Variants in UBE2K observed in about 807,000 individuals in gnomAD.
The protein encoded by UBE2K is ubiquitin-conjugating enzyme E2 K.
Under a neutral mutation model 30.0 loss-of-function variants are expected in UBE2K, and 6 were observed. The observed-to-expected ratio is 0.20, with a 90% CI of 0.11 to 0.39. The LOEUF is 0.39. Ranked by LOEUF, UBE2K falls within the 10% of genes least tolerant of loss-of-function variation. The pLI, the probability that UBE2K is intolerant of heterozygous loss-of-function variation, is 1.00. For synonymous variants in UBE2K, 86 were observed against 83.7 expected, an observed-to-expected ratio of 1.03 and a Z score of -0.15; for missense variants, 61 against 241.6, an observed-to-expected ratio of 0.25 and a Z score of 4.96.
chr4:39,759,131 T>G (rs1711696967), intron 4 of UBE2K, among the ~76,000 whole-genome samples: 1 of 152,118 alleles, frequency 6.6e-6, no homozygotes, highest in African/African-American at 2.4e-5. Context: ...AAATACAGAG[T>G]CTTAATCATA....
intron 4 of UBE2K, among the ~76,000 whole-genome samples, chr4:39,759,983 C>G (rs1350931467): frequency 1.3e-5 from 2 of 151,936 alleles, no homozygotes; most frequent in Non-Finnish European, 2.9e-5. Flanking sequence ...CAAGACCAGC[C>G]TGGCCAACAT....
At chr4:39,767,310 T>G (rs1212757574) in intron 4 of UBE2K, among the ~76,000 whole-genome samples, 1 of 132,594 alleles carries the variant, frequency 7.5e-6, no homozygotes, top group Non-Finnish European at 1.6e-5. Flanking sequence ...TTTTTTTTTT[T>G]GTGTGTGTGT....
chr4:39,764,238 TAAG>T (rs892154519), intron 4 of UBE2K, among the ~76,000 whole-genome samples: 3 of 152,164 alleles, frequency 2.0e-5, no homozygotes, highest in Non-Finnish European at 4.4e-5. Flanking sequence ...GCCTGTAGTC[TAAG>T]GTGAGAAAAT....
At chr4:39,748,873 C>T (rs755071734) in intron 3 of UBE2K, among the ~76,000 whole-genome samples, 13 of 151,924 alleles carry the variant, frequency 8.6e-5, no homozygotes, top group African/African-American at 1.2e-4. Flanking sequence ...TGTGGCATTA[C>T]GCTCTTGCAG....
In UBE2K at chr4:39,778,423, C is replaced by T; in HGVS notation, c.592C>T (p.Leu198=). 1 of 1,611,500 alleles carries T rather than the reference C, an allele frequency of 6.2e-7. No individual in the cohort carries two copies. Among genetic ancestry groups the T allele is most frequent in the Non-Finnish European group, 8.5e-7 (1 of 1,178,000 alleles). ...TGTAGAGACTGCAACAGAATTGCTT[C>T]TGAGTAACTGAGGCATAGAGAGCTG... ...WDVETATELL[L]SN The change falls in exon 7 of 7, where the codon CTG becomes TTG. Residue 198 remains leucine, a synonymous_variant. Coordinates refer to ENST00000261427, the MANE Select transcript of UBE2K (RefSeq NM_005339.5).
At chr4:39,732,204 C>CAAGATGG (rs1445285707) in intron 1 of UBE2K, among the ~76,000 whole-genome samples, 3 of 152,146 alleles carry the variant, frequency 2.0e-5, no homozygotes, top group Non-Finnish European at 4.4e-5. Context: ...CTATGAGGAA[C>CAAGATGG]TATCTTATCC....
chr4:39,762,400 G>C (rs867467204), intron 4 of UBE2K, among the ~76,000 whole-genome samples: 2 of 152,042 alleles, frequency 1.3e-5, no homozygotes, highest in South Asian at 2.1e-4. Context: ...GTGGTAGGCT[G>C]TTTTTGCATT....
At chr4:39,775,421 A>T (rs1167003631) in intron 5 of UBE2K, among the ~76,000 whole-genome samples, 2 of 152,190 alleles carry the variant, frequency 1.3e-5, no homozygotes, top group South Asian at 4.1e-4. Flanking sequence ...TACAACGGAG[A>T]CTGGACCTAA....
chr4:39,720,217 T>C (rs971150200), intron 1 of UBE2K, among the ~76,000 whole-genome samples: 1 of 152,152 alleles, frequency 6.6e-6, no homozygotes, highest in Admixed American at 6.6e-5. Context: ...CCAGGTAAAG[T>C]TGGATTTCTG....
At chr4:39,763,561 A>C (rs1239185517) in intron 4 of UBE2K, among the ~76,000 whole-genome samples, 1 of 152,000 alleles carries the variant, frequency 6.6e-6, no homozygotes. Context: ...AAACACTTAA[A>C]ACAACCAGCT....
intron 1 of UBE2K, among the ~76,000 whole-genome samples, chr4:39,715,025 ATT>A (rs905603415): frequency 1.5e-4 from 20 of 133,800 alleles, no homozygotes; most frequent in Non-Finnish European, 1.1e-4. Context: ...CTCTTGGCTA[ATT>A]TTTTTTTTTT....
chr4:39,698,519 G>A, intron 1 of UBE2K, 129 bp downstream of exon 1: 1 of 812,502 alleles, frequency 1.2e-6, no homozygotes, highest in Non-Finnish European at 2.1e-6. Context: ...CTGTGAGGAA[G>A]CAGCAGTGTT....
At chr4:39,729,100 C>T (rs1426552572) in intron 1 of UBE2K, among the ~76,000 whole-genome samples, 1 of 151,706 alleles carries the variant, frequency 6.6e-6, no homozygotes, top group African/African-American at 2.4e-5. Context: ...TCCAGAGTAG[C>T]TGGGATTACA....
At chr4:39,773,756 C>T (rs1392574254) in intron 4 of UBE2K, among the ~76,000 whole-genome samples, 4 of 151,844 alleles carry the variant, frequency 2.6e-5, no homozygotes, top group Non-Finnish European at 5.9e-5. Context: ...CCCGTCTCTA[C>T]TAAAAATACA....
intron 1 of UBE2K, among the ~76,000 whole-genome samples, chr4:39,710,513 C>T (rs1718609863): frequency 1.3e-5 from 2 of 152,058 alleles, no homozygotes; most frequent in South Asian, 4.1e-4. Context: ...AAGCAGTCCT[C>T]CTGCCTCAGC....
At position 39,744,936 on chromosome 4, in the gene UBE2K, AAAT is replaced by A. The variant is rs1223670449; in HGVS notation, c.158-813_158-811del. Among the ~76,000 whole-genome samples, 71 of 150,522 alleles carry A rather than the reference AAAT, an allele frequency of 4.7e-4. 1 individual carries two copies. Among genetic ancestry groups the A allele is most frequent in the Non-Finnish European group, 7.4e-4 (50 of 67,678 alleles). ...AAAAAAAAAATAAATTAAATAAAAT[AAAT>A]AAATAAATAAATAAATGAAGGAATA... On this transcript the variant is annotated intron_variant, in intron 2 of 6. Transcript: ENST00000261427.
At chr4:39,770,882 T>G (rs1712760134) in intron 4 of UBE2K, 2 of 1,527,606 alleles carry the variant, frequency 1.3e-6, no homozygotes, top group African/African-American at 2.9e-5. Context: ...CCTCATCCAG[T>G]GGGAACTCCA....
At position 39,778,755 on chromosome 4, in the gene UBE2K, C is replaced by G. The variant is rs953997588; in HGVS notation, c.*321C>G. The G allele has an allele frequency of 1.0e-5, 2 of 194,842 alleles. No individual in the cohort carries two copies. The highest frequency in any genetic ancestry group is 1.1e-4 in the Admixed American group (2 of 18,126). The allele number at this position is 194,842 out of a possible 1,614,324, so 12.1% of individuals were successfully genotyped here. ...TACCAAGACTAGCAAGAGTTTGCTT[C>G]AGGATTTTGTTGAATAATTAAGATA... On this transcript the variant is annotated 3_prime_UTR_variant, in exon 7 of 7. Transcript: ENST00000261427.
intron 3 of UBE2K, among the ~76,000 whole-genome samples, chr4:39,754,675 A>T (rs1361913156): frequency 6.6e-6 from 1 of 152,004 alleles, no homozygotes; most frequent in Non-Finnish European, 1.5e-5. Context: ...TGCCCAGCTA[A>T]TTTTTTTATT....
Sources: gnomAD v4.1 joint callset for allele counts (sites outside exome capture counted in the v4.1 genomes callset) on GRCh38, gnomAD v4.1.1 for gene constraint, MANE v1.5 for transcripts, NCBI Gene and HGNC (gene_info 2026-07-23, HGNC 2026-07-21) for gene names.